OPA3: variants seen among roughly 807,000 people sequenced by gnomAD.
OPA3 encodes the protein optic atrophy 3 protein.
A neutral mutation model predicts 4.0 loss-of-function variants in OPA3; 6 were observed. That is an observed-to-expected ratio of 1.51 (90% confidence interval 0.83 to 2.99). The LOEUF is 2.99. Ranked by LOEUF, OPA3 falls within the 30% of genes most tolerant of loss-of-function variation. The probability of loss-of-function intolerance (pLI) is 0.00; values close to 1 mark genes in which losing one functional copy is unlikely to be tolerated. For missense variants in OPA3, 235 were observed against 256.2 expected, an observed-to-expected ratio of 0.92 and a Z score of 0.56; for synonymous variants, 105 against 117.1, an observed-to-expected ratio of 0.90 and a Z score of 0.67.
chr19:45,538,382 C>T (rs757635154), intron 1 of OPA3, among the ~76,000 whole-genome samples: 1 of 152,110 alleles, frequency 6.6e-6, no homozygotes, highest in Non-Finnish European at 1.5e-5. Flanking sequence ...GATTGCACTA[C>T]TGCACTACAT....
At chr19:45,527,902 C>A (rs1420306680) in exon 2 of OPA3, 1 of 152,244 alleles carries the variant, frequency 6.6e-6, no homozygotes, top group Non-Finnish European at 1.5e-5. Flanking sequence ...TGGTGGAATA[C>A]CCCGCTTGGA....
intron 1 of OPA3, among the ~76,000 whole-genome samples, chr19:45,539,904 G>C (rs948829716): frequency 5.3e-5 from 8 of 152,310 alleles, no homozygotes; most frequent in Middle Eastern, 3.4e-3. Flanking sequence ...AGAATGGAGA[G>C]TCACTGCAAA....
rs12104391 is a variant in OPA3 at position 45,552,174 on chromosome 19, G to A, written c.*1340C>T. The A allele has an allele frequency of 2.6e-3, 2,541 of 985,274 alleles. 48 individuals are homozygous for A. The African/African-American group carries it at 0.041, about 16-fold the overall frequency. The allele number at this position is 985,274 out of a possible 1,614,324, so 61.0% of individuals were successfully genotyped here. ...AGTCCACTTCGGGTCTCAAGGGAAG[G>A]TACAATGATTCCAGGGATTGACTGC... is the stretch of plus-strand genomic sequence containing the variant. On this transcript the variant is annotated 3_prime_UTR_variant, in exon 2 of 2. Transcript: ENST00000263275.
chr19:45,553,460 G>A lies in OPA3; in HGVS notation c.*54C>T, dbSNP rs1379565764. 1.2e-6 allele frequency: 2 copies of A among 1,607,958 alleles called. No homozygotes were observed. The highest frequency in any genetic ancestry group is 1.7e-6 in the Non-Finnish European group (2 of 1,179,890). On this transcript the variant is annotated 3_prime_UTR_variant, in exon 2 of 2. Coordinates refer to ENST00000263275, the MANE Select transcript of OPA3 (RefSeq NM_025136.4). ...GCAGGCAAGGGTGGTGCGGGAAGAA[G>A]GCCACGTTAGGTACATAGGCCATGT... is the stretch of plus-strand genomic sequence containing the variant.
rs1969292741 is a variant in OPA3, at chr19:45,548,991, G to A, written c.*4523C>T. The A allele has an allele frequency of 2.5e-6, 1 of 403,314 alleles. No individual in the cohort carries two copies. 25.0% of individuals were successfully genotyped at this position (403,314 alleles called of 1,614,324 possible). On this transcript the variant is annotated 3_prime_UTR_variant, in exon 2 of 2. Transcript: ENST00000263275. ...AGCTAATTTTTGTATTTTTAGTAGA[G>A]ACGAGGTTTCACCATGTTGATCAGG... is the stretch of plus-strand genomic sequence containing the variant.
intron 1 of OPA3, among the ~76,000 whole-genome samples, chr19:45,565,232 C>CA (rs549490055): frequency 6.6e-6 from 1 of 151,726 alleles, no homozygotes; most frequent in African/African-American, 2.4e-5. Context: ...GACTCCGTCT[C>CA]AAAAAACAAA....
In OPA3 at chr19:45,572,790, GAT is replaced by G. The variant is rs1969705243; in HGVS notation, c.142+11831_142+11832del. On this transcript the variant is annotated intron_variant, in intron 1 of 1. Transcript: ENST00000263275. ...ATCTATATATATCATACTATATATA[GAT>G]ATATATATCATACTATATATATAGA... Among the ~76,000 whole-genome samples the G allele has an allele frequency of 2.3e-4, 10 of 44,122 alleles. No homozygotes were observed. In the South Asian group the frequency reaches 7.0e-3, roughly 31 times the overall value. The allele number at this position is 44,122 out of a possible 152,430, so 28.9% of individuals were successfully genotyped here.
At chr19:45,564,799 C>T (rs1969558374) in intron 1 of OPA3, among the ~76,000 whole-genome samples, 1 of 152,198 alleles carries the variant, frequency 6.6e-6, no homozygotes, top group Non-Finnish European at 1.5e-5. Context: ...TGAAGTTCCA[C>T]CTACATTTTA....
chr19:45,554,855 G>A (rs954906952), intron 1 of OPA3, among the ~76,000 whole-genome samples: 3 of 152,052 alleles, frequency 2.0e-5, no homozygotes, highest in African/African-American at 7.2e-5. Context: ...CAGTGGCACA[G>A]TCTTGGCTCA....
chr19:45,559,599 C>T (rs1227362098), intron 1 of OPA3, among the ~76,000 whole-genome samples: 1 of 151,668 alleles, frequency 6.6e-6, no homozygotes, highest in Admixed American at 6.6e-5. Context: ...GACAGGGTTT[C>T]ACCATGTTGA....
chr19:45,582,534 G>A (rs1384138584), intron 1 of OPA3, among the ~76,000 whole-genome samples: 1 of 152,108 alleles, frequency 6.6e-6, no homozygotes, highest in Admixed American at 6.6e-5. Context: ...GGAGTGTAGT[G>A]GTGCGATCTC....
At chr19:45,572,306 A>G (rs6509223) in intron 1 of OPA3, among the ~76,000 whole-genome samples, 53,910 of 113,660 alleles carry the variant, frequency 0.47, 13,927 homozygotes, top group Non-Finnish European at 0.53. Flanking sequence ...TCTCATATAT[A>G]TCGACATATA....
In OPA3 at chr19:45,553,699, A is replaced by T. The variant is rs375471439; in HGVS notation, c.355T>A (p.Trp119Arg). 5 of 1,607,568 alleles carry T rather than the reference A, an allele frequency of 3.1e-6. No homozygotes were observed. The highest frequency in any genetic ancestry group is 4.2e-6 in the Non-Finnish European group (5 of 1,179,110). Residue 119 changes from tryptophan to arginine, a missense_variant, in exon 2 of 2, where the codon TGG becomes AGG. Trp to Arg is a moderately radical substitution (Grantham distance 101). Transcript: ENST00000263275. The part of the protein sequence containing the change: ...RHKEEEQRAA[W>R]NALRDEVGHL... The stretch of plus-strand genomic sequence containing the variant: ...CCCACCTCGTCCCGCAGCGCGTTCC[A>T]GGCAGCACGCTGCTCCTCCTCCTTG...
intron 1 of OPA3, 40 bp downstream of exon 1, chr19:45,584,583 A>T (rs1043449541): frequency 2.5e-6 from 4 of 1,614,006 alleles, no homozygotes; most frequent in Non-Finnish European, 3.4e-6. Flanking sequence ...CAGGGGTTGG[A>T]GAAAGGAAAA....
At chr19:45,528,954 C>T in exon 2 of OPA3, 1 of 1,398,680 alleles carries the variant, frequency 7.1e-7, no homozygotes, top group Non-Finnish European at 9.7e-7. Flanking sequence ...TGGGTGGTGT[C>T]AGCTGGGCCG....
At chr19:45,528,230 A>G (rs1969015260) in exon 2 of OPA3, 1 of 152,390 alleles carries the variant, frequency 6.6e-6, no homozygotes, top group South Asian at 2.1e-4. Context: ...AGCCCTGGTC[A>G]AGACCGGTTT....
At chr19:45,584,418 C>G in intron 1 of OPA3, 1 of 985,356 alleles carries the variant, frequency 1.0e-6, no homozygotes, top group Non-Finnish European at 1.2e-6. Context: ...CGCGTGGTGG[C>G]TCCTTGACCC....
At chr19:45,576,112 A>C (rs1042455250) in intron 1 of OPA3, among the ~76,000 whole-genome samples, 4 of 151,934 alleles carry the variant, frequency 2.6e-5, no homozygotes, top group African/African-American at 7.3e-5. Context: ...AATCCCAGCT[A>C]TTCAGGAGGC....
Position 45,552,010 on chromosome 19 carries a change from A to G in OPA3, c.*1504T>C. The G allele has an allele frequency of 1.0e-6, 1 of 985,602 alleles. No individual in the cohort carries two copies. Among genetic ancestry groups the G allele is most frequent in the Non-Finnish European group, 1.2e-6 (1 of 830,094 alleles). The allele number at this position is 985,602 out of a possible 1,614,324, so 61.1% of individuals were successfully genotyped here. ...GAAAATAGGGGGCTGAGGCTGAAGGACAGGCTGGATTAGCCCTAGTTAGGA... is the reference window on the plus strand; with the variant it reads ...GAAAATAGGGGGCTGAGGCTGAAGGGCAGGCTGGATTAGCCCTAGTTAGGA... On this transcript the variant is annotated 3_prime_UTR_variant, in exon 2 of 2. Coordinates refer to ENST00000263275, the MANE Select transcript of OPA3 (RefSeq NM_025136.4).
Sources: allele counts gnomAD v4.1 joint callset (sites outside exome capture counted in the v4.1 genomes callset), GRCh38; gene constraint gnomAD v4.1.1; transcripts MANE v1.5; gene names NCBI Gene and HGNC (gene_info 2026-07-23, HGNC 2026-07-21).